The following FAIM2 variants were observed in gnomAD, a reference collection of about 807,000 sequenced individuals.
FAIM2 encodes the protein Fas apoptotic inhibitory molecule 2, also known as protein lifeguard 2.
A neutral mutation model predicts 47.4 loss-of-function variants in FAIM2; 27 were observed. That is an observed-to-expected ratio of 0.57 (90% CI 0.42 to 0.78). The LOEUF is 0.78. Among genes scored for constraint, FAIM2 ranks in the 30% least tolerant of loss-of-function variants. The probability of loss-of-function intolerance (pLI) is 0.00; values close to 1 mark genes in which losing one functional copy is unlikely to be tolerated. For synonymous variants in FAIM2, 156 were observed against 159.3 expected (o/e 0.98, Z 0.16); for missense variants, 311 against 389.4 (o/e 0.80, Z 1.69).
chr12:49,882,367 G>C (rs1946832103), intron 11 of FAIM2, among the ~76,000 whole-genome samples: 1 of 152,154 alleles, frequency 6.6e-6, no homozygotes, highest in Non-Finnish European at 1.5e-5. Flanking sequence ...GCTAATGGGA[G>C]GGTAAGGGGA....
rs1946998390 is a variant in FAIM2, at chr12:49,903,881, G to A, written c.-89C>T. 1.4e-6 allele frequency: 2 copies of A among 1,394,550 alleles called. No individual in the cohort carries two copies. The highest frequency in any genetic ancestry group is 1.9e-6 in the Non-Finnish European group (2 of 1,040,276). The allele number at this position is 1,394,550 out of a possible 1,614,324, so 86.4% of individuals were successfully genotyped here. On this transcript the variant is annotated 5_prime_UTR_variant, in exon 1 of 12. Transcript: ENST00000320634. Reference sequence around the variant, plus strand: ...CCTGCGTCTCTTCCTTCCTCCGCGTGGGTTCTAGCAACATCCACTGCAGCC... The same window carrying A: ...CCTGCGTCTCTTCCTTCCTCCGCGTAGGTTCTAGCAACATCCACTGCAGCC...
chr12:49,887,615 G>A lies in FAIM2; in HGVS notation c.748-176C>T, dbSNP rs536918202. Reference sequence around the variant, plus strand: ...TCTCTGTGTGCCCAGGGTGGGTGAAGTGAGGCCCGGGATAAGAGCGATCCT... The same window carrying A: ...TCTCTGTGTGCCCAGGGTGGGTGAAATGAGGCCCGGGATAAGAGCGATCCT... On this transcript the variant is annotated intron_variant, in intron 10 of 11. Coordinates refer to ENST00000320634, the MANE Select transcript of FAIM2 (RefSeq NM_012306.4). Among the ~76,000 whole-genome samples, 11 of 152,290 alleles carry A rather than the reference G, an allele frequency of 7.2e-5. No individual in the cohort carries two copies. In the East Asian group the frequency reaches 2.1e-3, roughly 29 times the overall value.
chr12:49,890,373 G>A (rs532177798), intron 7 of FAIM2, among the ~76,000 whole-genome samples: 17 of 152,016 alleles, frequency 1.1e-4, no homozygotes, highest in African/African-American at 3.4e-4. Flanking sequence ...TTTCTTCTGC[G>A]GCCCTGCTCC....
intron 8 of FAIM2, 84 bp from the exon 9 acceptor site, chr12:49,889,652 C>T: frequency 8.7e-7 from 1 of 1,147,784 alleles, no homozygotes; most frequent in South Asian, 1.3e-5. Flanking sequence ...TCTCTTCTGC[C>T]AGGACCTGGT....
At chr12:49,890,602 C>A in intron 7 of FAIM2, 81 bp downstream of exon 7, 1 of 1,369,962 alleles carries the variant, frequency 7.3e-7, no homozygotes, top group South Asian at 1.2e-5. Flanking sequence ...GCCCAGTCTT[C>A]CTGGTCCTCA....
chr12:49,889,241 G>T (rs141699858), intron 9 of FAIM2, 39 bp from the exon 10 acceptor site: 2 of 1,523,298 alleles, frequency 1.3e-6, no homozygotes, highest in Non-Finnish European at 1.8e-6. Context: ...GGAGCGGCCT[G>T]ACCTTCCTGG....
In FAIM2 at chr12:49,899,407, C is replaced by T. The variant is rs536276098; in HGVS notation, c.212-1317G>A. On this transcript the variant is annotated intron_variant, in intron 2 of 11. Coordinates refer to ENST00000320634, the MANE Select transcript of FAIM2 (RefSeq NM_012306.4). Reference sequence around the variant, plus strand: ...CTGCTTTGAGCTCTTCAATGGCTCCCCACTGCCCTTCACTCAAGTTCAAGT... The same window carrying T: ...CTGCTTTGAGCTCTTCAATGGCTCCTCACTGCCCTTCACTCAAGTTCAAGT... Among the ~76,000 whole-genome samples the T allele has an allele frequency of 3.2e-4, 49 of 152,324 alleles. 1 individual carries two copies. Among genetic ancestry groups the T allele is most frequent in the South Asian group, 2.1e-4 (1 of 4,826 alleles).
intron 11 of FAIM2, 109 bp from the exon 12 acceptor site, chr12:49,870,762 C>T: frequency 9.6e-7 from 1 of 1,036,958 alleles, no homozygotes; most frequent in Non-Finnish European, 1.4e-6. Flanking sequence ...TTATTACCCT[C>T]ACCAGCTGCC....
chr12:49,900,219 T>C, intron 2 of FAIM2: 3 of 1,287,190 alleles, frequency 2.3e-6, no homozygotes, highest in East Asian at 5.6e-5. Flanking sequence ...CCAGGGGATT[T>C]GTAGTGGGAG....
intron 11 of FAIM2, among the ~76,000 whole-genome samples, chr12:49,879,463 T>A (rs1485996038): frequency 2.3e-5 from 3 of 132,104 alleles, no homozygotes; most frequent in African/African-American, 8.6e-5. Context: ...CATACGTGTA[T>A]ATGTGCATGT....
intron 11 of FAIM2, among the ~76,000 whole-genome samples, chr12:49,873,556 G>C (rs1360024770): frequency 6.6e-6 from 1 of 152,074 alleles, no homozygotes; most frequent in East Asian, 1.9e-4. Context: ...GTTTCCCAGA[G>C]CCTGGTCACC....
At chr12:49,880,455 T>G (rs1462241706) in intron 11 of FAIM2, among the ~76,000 whole-genome samples, 10 of 66,792 alleles carry the variant, frequency 1.5e-4, no homozygotes, top group Non-Finnish European at 2.6e-4. Flanking sequence ...TATGTGCATG[T>G]GTATGTGTGT....
At chr12:49,873,560 G>C (rs1946716775) in intron 11 of FAIM2, among the ~76,000 whole-genome samples, 1 of 152,068 alleles carries the variant, frequency 6.6e-6, no homozygotes, top group Non-Finnish European at 1.5e-5. Context: ...CCCAGAGCCT[G>C]GTCACCCCTG....
intron 11 of FAIM2, among the ~76,000 whole-genome samples, chr12:49,880,552 GTGTGTGTGCATGTGTGTATCTGTGCA>G (rs1239912982): frequency 2.3e-4 from 10 of 43,480 alleles, no homozygotes; most frequent in Non-Finnish European, 3.1e-4. Flanking sequence ...GTATGCATGC[GTGTGTGTGCATGTGTGTATCTGTGCA>G]TGTGTATATG....
In FAIM2 at chr12:49,897,973, C is replaced by A. The variant is rs190823638; in HGVS notation, c.315+14G>T. The A allele has an allele frequency of 6.9e-6, 11 of 1,604,798 alleles. No homozygotes were observed. The African/African-American group carries it at 1.5e-4, about 21-fold the overall frequency. ...TGAGGCTCCCAGTCCCAGAGGGCTA[C>A]AGAGGGGCATTACCTTTCTGACAAA... is the stretch of plus-strand genomic sequence containing the variant. On this transcript the variant is annotated intron_variant, in intron 3 of 11. Coordinates refer to ENST00000320634, the MANE Select transcript of FAIM2 (RefSeq NM_012306.4).
chr12:49,895,316 C>A (rs987924400), intron 5 of FAIM2, among the ~76,000 whole-genome samples: 1 of 152,098 alleles, frequency 6.6e-6, no homozygotes, highest in African/African-American at 2.4e-5. Context: ...ACACTGCACC[C>A]TCCCAATCCC....
chr12:49,895,402 A>G (rs754334139), intron 5 of FAIM2, among the ~76,000 whole-genome samples: 1 of 151,364 alleles, frequency 6.6e-6, no homozygotes, highest in Non-Finnish European at 1.5e-5. Context: ...CCCTGCCACC[A>G]CCTGCTCAGA....
chr12:49,898,204 A>G, intron 2 of FAIM2, 114 bp from the exon 3 acceptor site: 7 of 432,696 alleles, frequency 1.6e-5, no homozygotes, highest in Non-Finnish European at 2.9e-5. Context: ...CTGGACCCTG[A>G]AGTCTTTCTC....
At chr12:49,878,495 T>C (rs1565613264) in intron 11 of FAIM2, among the ~76,000 whole-genome samples, 1 of 114,536 alleles carries the variant, frequency 8.7e-6, no homozygotes, top group Non-Finnish European at 1.7e-5. Context: ...TATATGTATG[T>C]GCATGTGTGT....
Sources: allele counts gnomAD v4.1 joint callset (sites outside exome capture counted in the v4.1 genomes callset), GRCh38; gene constraint gnomAD v4.1.1; transcripts MANE v1.5; gene names NCBI Gene and HGNC (gene_info 2026-07-23, HGNC 2026-07-21).